SIPA1L3: variants seen among roughly 807,000 people sequenced by gnomAD.
SIPA1L3 encodes the protein signal induced proliferation associated 1 like 3, also known as signal-induced proliferation-associated 1-like protein 3.
Under a neutral mutation model 150.1 loss-of-function variants are expected in SIPA1L3, and 59 were observed. The observed-to-expected ratio is 0.39, with a 90% CI of 0.32 to 0.49. The LOEUF (loss-of-function observed/expected upper bound fraction) is 0.49, where lower values mean the gene tolerates loss of function less well. Among genes scored for constraint, SIPA1L3 ranks in the 20% least tolerant of loss-of-function variants. The probability of loss-of-function intolerance (pLI) is 0.86; values close to 1 mark genes in which losing one functional copy is unlikely to be tolerated. For synonymous variants in SIPA1L3, 1,070 were observed against 1,077.6 expected, an observed-to-expected ratio of 0.99 and a Z score of 0.14; for missense variants, 2,211 against 2,489.5, an observed-to-expected ratio of 0.89 and a Z score of 2.38.
At chr19:38,044,622 T>G (rs765775178) in intron 2 of SIPA1L3, among the ~76,000 whole-genome samples, 3 of 152,172 alleles carry the variant, frequency 2.0e-5, no homozygotes, top group Non-Finnish European at 2.9e-5. Flanking sequence ...TGTTGTTTGT[T>G]GCTTTCTCTC....
intron 1 of SIPA1L3, among the ~76,000 whole-genome samples, chr19:37,985,636 C>T (rs1297955778): frequency 6.6e-6 from 1 of 152,156 alleles, no homozygotes; most frequent in Non-Finnish European, 1.5e-5. Flanking sequence ...TGAAAAGGAG[C>T]CAGTCATGCA....
chr19:37,925,898 T>C (rs2046499748), intron 1 of SIPA1L3, among the ~76,000 whole-genome samples: 1 of 152,092 alleles, frequency 6.6e-6, no homozygotes, highest in South Asian at 2.1e-4. Context: ...GGCCGATTTA[T>C]TACACTTTTG....
chr19:37,911,246 T>C (rs2046374607), intron 1 of SIPA1L3, among the ~76,000 whole-genome samples: 1 of 82,940 alleles, frequency 1.2e-5, no homozygotes, highest in African/African-American at 8.7e-5. Flanking sequence ...TTTGTATGTA[T>C]GTGCGTGTGT....
At chr19:38,056,237 C>T (rs1437980582) in intron 2 of SIPA1L3, among the ~76,000 whole-genome samples, 1 of 152,270 alleles carries the variant, frequency 6.6e-6, no homozygotes, top group African/African-American at 2.4e-5. Flanking sequence ...CACTCTTGCC[C>T]CCACGTGGGT....
At chr19:37,947,819 T>C (rs972739623) in intron 1 of SIPA1L3, among the ~76,000 whole-genome samples, 2 of 152,186 alleles carry the variant, frequency 1.3e-5, no homozygotes, top group African/African-American at 4.8e-5. Flanking sequence ...TTTCAGCAGT[T>C]TTTCCTGCAG....
intron 1 of SIPA1L3, among the ~76,000 whole-genome samples, chr19:37,975,258 G>A (rs1328657002): frequency 6.6e-6 from 1 of 152,148 alleles, no homozygotes; most frequent in Non-Finnish European, 1.5e-5. Flanking sequence ...ATTAATGTGC[G>A]GAACCCAGGG....
intron 8 of SIPA1L3, among the ~76,000 whole-genome samples, chr19:38,113,369 T>C (rs2145883158): frequency 6.6e-6 from 1 of 152,268 alleles, no homozygotes; most frequent in East Asian, 1.9e-4. Context: ...GGCTCACGCC[T>C]ATAATCCCAG....
chr19:38,120,725 G>A (rs1173990601), intron 9 of SIPA1L3, among the ~76,000 whole-genome samples: 4 of 152,164 alleles, frequency 2.6e-5, no homozygotes, highest in African/African-American at 4.8e-5. Context: ...TAAACCCCTC[G>A]TGGACAAACC....
intron 9 of SIPA1L3, among the ~76,000 whole-genome samples, chr19:38,120,821 A>T (rs1342375593): frequency 6.6e-6 from 1 of 152,262 alleles, no homozygotes; most frequent in Non-Finnish European, 1.5e-5. Flanking sequence ...AAGCTCCACA[A>T]GAAAGAACAC....
At chr19:38,156,505 C>T (rs1304749345) in intron 13 of SIPA1L3, among the ~76,000 whole-genome samples, 2 of 149,782 alleles carry the variant, frequency 1.3e-5, no homozygotes, top group African/African-American at 5.0e-5. Flanking sequence ...CACACGCCCA[C>T]ATGGATCAGG....
chr19:38,160,970 GA>G (rs547181596), intron 13 of SIPA1L3, among the ~76,000 whole-genome samples: 33 of 152,304 alleles, frequency 2.2e-4, no homozygotes, highest in South Asian at 4.1e-4. Context: ...GATATAAAGA[GA>G]AAAGCAAGTA....
Position 38,147,110 on chromosome 19 carries a change from G to A in SIPA1L3, c.3533+4400G>A, listed in dbSNP as rs147735393. ...GGAGTCTTGCTCTGTTGCCCAAGCC[G>A]GAGTGCAGTGGTGTCATCTCGGCTC... On this transcript the variant is annotated intron_variant, in intron 12 of 21. Transcript: ENST00000222345. 1.6e-3 allele frequency among the ~76,000 whole-genome samples: 240 copies of A among 151,926 alleles called. 2 individuals carry two copies. The highest frequency in any genetic ancestry group is 4.7e-3 in the African/African-American group (196 of 41,430).
intron 8 of SIPA1L3, among the ~76,000 whole-genome samples, chr19:38,113,292 T>C (rs1479026967): frequency 1.3e-5 from 2 of 151,606 alleles, no homozygotes; most frequent in Non-Finnish European, 2.9e-5. Context: ...CCATGTGCCA[T>C]TGCCCAACAT....
chr19:38,162,459 C>T, intron 14 of SIPA1L3, 88 bp downstream of exon 14: 1 of 878,612 alleles, frequency 1.1e-6, no homozygotes, highest in East Asian at 2.5e-5. Context: ...ACATCCTCAA[C>T]CTCTGCCACC....
intron 1 of SIPA1L3, among the ~76,000 whole-genome samples, chr19:38,009,446 C>T (rs894839151): frequency 1.3e-5 from 2 of 152,104 alleles, no homozygotes; most frequent in African/African-American, 4.8e-5. Flanking sequence ...CCAATTTGCC[C>T]AAGAGACCTC....
At chr19:38,110,134 G>T in intron 7 of SIPA1L3, 93 bp from the exon 8 acceptor site, 2 of 1,248,092 alleles carry the variant, frequency 1.6e-6, no homozygotes. Context: ...GTGGGAATGG[G>T]GGTGGGTGGG....
At chr19:38,025,482 C>T (rs532790795) in intron 1 of SIPA1L3, among the ~76,000 whole-genome samples, 3 of 152,212 alleles carry the variant, frequency 2.0e-5, no homozygotes. Flanking sequence ...CTTCCTCTCT[C>T]CTGCATGAGG....
At chr19:38,087,960 G>A (rs1290845484) in intron 3 of SIPA1L3, among the ~76,000 whole-genome samples, 2 of 152,340 alleles carry the variant, frequency 1.3e-5, no homozygotes, top group Non-Finnish European at 2.9e-5. Context: ...GGAGCTTGCA[G>A]TGAGCCGAGA....
intron 6 of SIPA1L3, among the ~76,000 whole-genome samples, chr19:38,106,108 ATTTTT>A (rs56305500): frequency 7.5e-6 from 1 of 134,012 alleles, no homozygotes. Context: ...AATGTATTTA[ATTTTT>A]TTTTTTTTTT....
Sources: allele counts gnomAD v4.1 joint callset (sites outside exome capture counted in the v4.1 genomes callset), GRCh38; gene constraint gnomAD v4.1.1; transcripts MANE v1.5; gene names NCBI Gene and HGNC (gene_info 2026-07-23, HGNC 2026-07-21).